APC: variants seen among roughly 807,000 people sequenced by gnomAD.
APC encodes the protein adenomatous polyposis coli protein.
A neutral mutation model predicts 247.0 loss-of-function variants in APC; 72 were observed. The observed-to-expected ratio is 0.29, with a 90% CI of 0.24 to 0.35. The LOEUF (loss-of-function observed/expected upper bound fraction) is 0.35. Ranked by LOEUF, APC falls within the 10% of genes least tolerant of loss-of-function variation. The pLI, the probability that APC is intolerant of heterozygous loss-of-function variation, is 1.00. For synonymous variants in APC, 1,254 were observed against 1,162.5 expected, an observed-to-expected ratio of 1.08 and a Z score of -1.60; for missense variants, 3,400 against 3,360.7, an observed-to-expected ratio of 1.01 and a Z score of -0.29.
chr5:112,760,487 C>G (rs1454337605), intron 2 of APC, among the ~76,000 whole-genome samples: 1 of 152,160 alleles, frequency 6.6e-6, no homozygotes, highest in Non-Finnish European at 1.5e-5. Context: ...AGTTTACAAC[C>G]TCCAAGAGAA....
In APC at chr5:112,827,209, G is replaced by T. The variant is rs1322313189; in HGVS notation, c.1510G>T (p.Ala504Ser). The T allele has an allele frequency of 6.2e-7, 1 of 1,613,860 alleles. No individual in the cohort carries two copies. Among genetic ancestry groups the T allele is most frequent in the Non-Finnish European group, 8.5e-7 (1 of 1,179,892 alleles). The stretch of plus-strand genomic sequence containing the variant: ...TACACTAAGACGATATGCTGGAATG[G>T]CTTTGACAAACTTGACTTTTGGAGA... The part of the protein sequence containing the change: ...SITLRRYAGM[A>S]LTNLTFGDVA... The change falls in exon 12 of 16, where the codon GCT becomes TCT. Residue 504 changes from alanine (A) to serine (S), a missense_variant. By Grantham distance (99) the Ala-to-Ser change is moderately conservative. Around this residue, in one of 9 missense-constraint regions of APC, gnomAD observed 184 missense variants for 248.0 expected, o/e 0.74. Coordinates refer to ENST00000257430, the MANE Select transcript of APC (RefSeq NM_000038.6).
intron 1 of APC, among the ~76,000 whole-genome samples, chr5:112,724,678 T>A (rs957445144): frequency 3.9e-5 from 6 of 152,122 alleles, no homozygotes; most frequent in Admixed American, 3.9e-4. Context: ...TCATCTAAAT[T>A]GGGTCCTGTA....
At chr5:112,722,931 C>T (rs1461098344) in intron 1 of APC, among the ~76,000 whole-genome samples, 1 of 151,968 alleles carries the variant, frequency 6.6e-6, no homozygotes, top group Non-Finnish European at 1.5e-5. Flanking sequence ...ACAAAAAGTG[C>T]GTGATCTAAG....
intron 2 of APC, among the ~76,000 whole-genome samples, chr5:112,761,921 A>C (rs1042127192): frequency 9.2e-5 from 14 of 152,216 alleles, no homozygotes; most frequent in Non-Finnish European, 2.1e-4. Context: ...GCTTTTCAGA[A>C]GACTTCATTA....
intron 8 of APC, among the ~76,000 whole-genome samples, chr5:112,811,974 G>C (rs1452652853): frequency 6.6e-6 from 1 of 152,280 alleles, no homozygotes; most frequent in South Asian, 2.1e-4. Context: ...GAAGGCCTCA[G>C]ATCCTCATTG....
rs2149875812 is a variant in APC at position 112,838,305 on chromosome 5, G to C, written c.2711G>C (p.Arg904Thr). 6.2e-7 allele frequency: 1 copy of C among 1,614,204 alleles called. No homozygotes were observed. Among genetic ancestry groups the C allele is most frequent in the South Asian group, 1.1e-5 (1 of 91,084 alleles). ...GCCATTCATACCTCTCAGGAAGACA[G>C]AAGTTCTGGGTCTACCACTGAATTA... ...VSAIHTSQEDRSSGSTTELHC... is the reference protein window; with the variant it reads ...VSAIHTSQEDTSSGSTTELHC... Residue 904 changes from arginine (R) to threonine (T), a missense_variant, in exon 16 of 16, where the codon AGA (arginine) becomes ACA (threonine). Physicochemically the swap from Arg to Thr is moderately conservative, Grantham distance 71. Transcript: ENST00000257430.
Position 112,844,134 on chromosome 5 carries a change from G to A in APC, c.*8G>A, listed in dbSNP as rs2150007095. On this transcript the variant is annotated 3_prime_UTR_variant, in exon 16 of 16. Transcript: ENST00000257430. ...CTTGTGACATCTGTTTAAAAGAGAG[G>A]AAGAATGAAACTAAGAAAATTCTAT... 6.2e-7 allele frequency: 1 copy of A among 1,605,878 alleles called. No homozygotes were observed. The highest frequency in any genetic ancestry group is 2.2e-5 in the East Asian group (1 of 44,824).
intron 6 of APC, 120 bp from the exon 7 acceptor site, chr5:112,792,326 C>A: frequency 1.5e-6 from 1 of 645,832 alleles, no homozygotes; most frequent in Non-Finnish European, 2.6e-6. Flanking sequence ...ATATGTCTAG[C>A]TTTTTAAATG....
chr5:112,730,884 AG>A (rs1203191477), intron 1 of APC, among the ~76,000 whole-genome samples: 1 of 152,186 alleles, frequency 6.6e-6, no homozygotes, highest in East Asian at 1.9e-4. Context: ...ATTAGGTTGT[AG>A]GAATTTTATA....
chr5:112,844,293 C>T lies in APC; in HGVS notation c.*167C>T. ...CATATTTGATAGTATACTTTGTCTTCACTGGTCTTATTTTGGGAGGCACTC... is the reference window on the plus strand; with the variant it reads ...CATATTTGATAGTATACTTTGTCTTTACTGGTCTTATTTTGGGAGGCACTC... On this transcript the variant is annotated 3_prime_UTR_variant, in exon 16 of 16. Transcript: ENST00000257430. The T allele has an allele frequency of 3.0e-6, 2 of 657,884 alleles. No individual in the cohort carries two copies. The highest frequency in any genetic ancestry group is 2.8e-5 in the East Asian group (1 of 35,712). 40.8% of individuals were successfully genotyped at this position (657,884 alleles called of 1,614,324 possible). A position where few individuals can be genotyped will look rare whatever the true frequency, so the allele number is the denominator to read the frequency against.
intron 9 of APC, among the ~76,000 whole-genome samples, chr5:112,818,604 TA>T (rs1395887771): frequency 6.6e-6 from 1 of 152,206 alleles, no homozygotes; most frequent in Non-Finnish European, 1.5e-5. Context: ...CTACATTCTC[TA>T]TGTGTGTGAA....
intron 1 of APC, among the ~76,000 whole-genome samples, chr5:112,752,733 G>T (rs1380211521): frequency 6.6e-6 from 1 of 152,158 alleles, no homozygotes; most frequent in African/African-American, 2.4e-5. Flanking sequence ...TTTTGGATTA[G>T]GGAGGTATGG....
chr5:112,791,483 T>C (rs533279114), intron 6 of APC, among the ~76,000 whole-genome samples: 12 of 152,246 alleles, frequency 7.9e-5, no homozygotes, highest in African/African-American at 2.9e-4. Flanking sequence ...GTGGCTGCAT[T>C]AGGAGCATGA....
In APC at chr5:112,841,868, C is replaced by G. The variant is rs930830740; in HGVS notation, c.6274C>G (p.Leu2092Val). Residue 2092 changes from leucine (L) to valine (V), a missense_variant, in exon 16 of 16, where the codon CTA (leucine) becomes GTA (valine). This residue lies in a region of APC where 1,788 missense variants were observed against 1,649.5 expected (regional missense o/e 1.08). Transcript: ENST00000257430. This position sits in a 1 kb window ranked among gnomAD's most constrained non-coding sequence, Gnocchi z 4.6. ...DIQRPDSEHGLSPDSENFDWK... is the reference protein window; with the variant it reads ...DIQRPDSEHGVSPDSENFDWK... ...ACAGAGACCAGATTCAGAACATGGT[C>G]TATCCCCTGATTCAGAAAATTTTGA... 6.2e-7 allele frequency: 1 copy of G among 1,613,894 alleles called. No homozygotes were observed. The highest frequency in any genetic ancestry group is 8.5e-7 in the Non-Finnish European group (1 of 1,179,854).
intron 2 of APC, among the ~76,000 whole-genome samples, chr5:112,757,728 G>T (rs76641316): frequency 6.6e-6 from 1 of 151,942 alleles, no homozygotes; most frequent in African/African-American, 2.4e-5. Flanking sequence ...GCAAAAAGTA[G>T]GTCTCCTCCA....
Position 112,845,626 on chromosome 5 carries a change from G to A in APC, c.*1500G>A, listed in dbSNP as rs2150012397. 1 of 232,300 alleles carries A rather than the reference G, an allele frequency of 4.3e-6. No individual in the cohort carries two copies. The highest frequency in any genetic ancestry group is 1.8e-4 in the South Asian group (1 of 5,526). The allele number at this position is 232,300 out of a possible 1,614,324, so 14.4% of individuals were successfully genotyped here. On this transcript the variant is annotated 3_prime_UTR_variant, in exon 16 of 16. Transcript: ENST00000257430. ...GAAGTATATTTTAGAATCCCTGCCT[G>A]TTAAGGAAACTTTATTTGTGGTAGG... is the stretch of plus-strand genomic sequence containing the variant.
rs1178140038 is a variant in APC at position 112,842,835 on chromosome 5, T to C, written c.7241T>C (p.Val2414Ala). ...MNNGNGANKK[V>A]ELSRMSSTKS... The stretch of plus-strand genomic sequence containing the variant: ...AATGGTAATGGAGCCAATAAAAAGG[T>C]AGAACTTTCTAGAATGTCTTCAACT... The change falls in exon 16 of 16, where the codon GTA becomes GCA. Residue 2414 changes from valine to alanine, a missense_variant. Physicochemically the swap from Val to Ala is moderately conservative, Grantham distance 64. Around this residue, in one of 9 missense-constraint regions of APC, gnomAD observed 1,788 missense variants for 1,649.5 expected, o/e 1.08. Coordinates refer to ENST00000257430, the MANE Select transcript of APC (RefSeq NM_000038.6). 6.2e-7 allele frequency: 1 copy of C among 1,613,666 alleles called. No individual in the cohort carries two copies. Among genetic ancestry groups the C allele is most frequent in the African/African-American group, 1.3e-5 (1 of 74,892 alleles).
intron 14 of APC, among the ~76,000 whole-genome samples, chr5:112,832,186 C>G (rs941131921): frequency 6.6e-6 from 1 of 152,194 alleles, no homozygotes; most frequent in Non-Finnish European, 1.5e-5. Flanking sequence ...AACAAAACCT[C>G]TGGCCCTTGA....
At chr5:112,724,543 A>G (rs1751665975) in intron 1 of APC, among the ~76,000 whole-genome samples, 1 of 149,322 alleles carries the variant, frequency 6.7e-6, no homozygotes, top group Non-Finnish European at 1.5e-5. Flanking sequence ...AGCAATATAT[A>G]CGTAATCCCA....
Sources: allele counts gnomAD v4.1 joint callset (sites outside exome capture counted in the v4.1 genomes callset), GRCh38; gene constraint gnomAD v4.1.1; regional missense constraint gnomAD v4.1.1; non-coding constraint Gnocchi (gnomAD v3.1); transcripts MANE v1.5; gene names NCBI Gene and HGNC (gene_info 2026-07-23, HGNC 2026-07-21).